Variants in EXOC7 observed in about 807,000 individuals in gnomAD.
The protein encoded by EXOC7 is exocyst complex component 7.
A neutral mutation model predicts 87.6 loss-of-function variants in EXOC7; 51 were observed. The observed-to-expected ratio is 0.58, with a 90% CI of 0.46 to 0.73. EXOC7 has a LOEUF of 0.73. Ranked by LOEUF, EXOC7 falls within the 30% of genes least tolerant of loss-of-function variation. The pLI is 0.00. For missense variants in EXOC7, 744 were observed against 888.4 expected (o/e 0.84, Z 2.07); for synonymous variants, 327 against 357.1 (o/e 0.92, Z 0.95).
Position 76,086,061 on chromosome 17 carries a change from T to C in EXOC7, c.1495+19A>G. Reference sequence around the variant, plus strand: ...CATGCAGGCAGCAGGGCTGCTGGTCTGCCCGGGAGAACACTCACAGATATA... The same window carrying C: ...CATGCAGGCAGCAGGGCTGCTGGTCCGCCCGGGAGAACACTCACAGATATA... On this transcript the variant is annotated intron_variant, in intron 13 of 18. Transcript: ENST00000589210. 6.2e-7 allele frequency: 1 copy of C among 1,612,920 alleles called. No homozygotes were observed. The highest frequency in any genetic ancestry group is 8.5e-7 in the Non-Finnish European group (1 of 1,179,780).
At chr17:76,091,047 T>TCCCC (rs2067454771) in intron 7 of EXOC7, 96 bp downstream of exon 7, 1 of 1,079,304 alleles carries the variant, frequency 9.3e-7, no homozygotes, top group Non-Finnish European at 1.4e-6. Flanking sequence ...CCCTCAGGGT[T>TCCCC]TCTCCCGAGG....
At position 76,103,682 on chromosome 17, in the gene EXOC7, G is replaced by T. The variant is rs775293741; in HGVS notation, c.11C>A (p.Pro4Gln). The T allele has an allele frequency of 1.2e-6, 2 of 1,612,174 alleles. No homozygotes were observed. The highest frequency in any genetic ancestry group is 2.2e-5 in the East Asian group (1 of 44,762). ...CCGCCGTCGAGCGGATGCCTCCTGT[G>T]GGGGAATCATCGCTCTGAACCCCGC... Reference protein sequence around the residue: MIPPQEASARRREI... With the variant: MIPQQEASARRREI... The change falls in exon 1 of 19, where the codon CCA (proline) becomes CAA (glutamine). Residue 4 changes from proline (P) to glutamine (Q), a missense_variant. This residue lies in a region of EXOC7 where 512 missense variants were observed against 573.0 expected (regional missense o/e 0.89). Transcript: ENST00000589210.
At chr17:76,096,911 G>A (rs1212903356) in intron 5 of EXOC7, among the ~76,000 whole-genome samples, 1 of 152,034 alleles carries the variant, frequency 6.6e-6, no homozygotes, top group East Asian at 1.9e-4. Flanking sequence ...GTACAGTGGC[G>A]TGATCTTAGC....
In EXOC7 at chr17:76,082,504, G is replaced by A; in HGVS notation, c.*1144C>T. The A allele has an allele frequency of 6.2e-7, 1 of 1,613,720 alleles. No individual in the cohort carries two copies. Among genetic ancestry groups the A allele is most frequent in the Non-Finnish European group, 8.5e-7 (1 of 1,179,868 alleles). ...AAAGGGGTCACAGAGAAGCTGGCCT[G>A]AGACTGCTGACCGCATCTTCTTCCT... On this transcript the variant is annotated 3_prime_UTR_variant, in exon 19 of 19. Transcript: ENST00000589210.
chr17:76,082,606 G>A lies in EXOC7; in HGVS notation c.*1042C>T, dbSNP rs558659991. ...GATGTGGGCAGCGTGCAAGTCTGAC[G>A]CAGCCCCTGGAGAGGCTGCACCCCA... On this transcript the variant is annotated 3_prime_UTR_variant, in exon 19 of 19. Transcript: ENST00000589210. The A allele has an allele frequency of 4.5e-5, 72 of 1,613,314 alleles. No individual in the cohort carries two copies. The South Asian group carries it at 5.7e-4, about 13-fold the overall frequency.
In EXOC7 at chr17:76,082,021, C is replaced by T. The variant is rs143351795; in HGVS notation, c.*1627G>A. Reference sequence around the variant, plus strand: ...CCCCGAGAGGGGAACAGCGAGAGCACGGCAACCCAGGGCCTCATCCTGCTG... The same window carrying T: ...CCCCGAGAGGGGAACAGCGAGAGCATGGCAACCCAGGGCCTCATCCTGCTG... On this transcript the variant is annotated 3_prime_UTR_variant, in exon 19 of 19. Transcript: ENST00000589210. 1.2e-4 allele frequency: 191 copies of T among 1,610,954 alleles called. 1 individual carries two copies. The African/African-American group carries it at 2.0e-3, about 17-fold the overall frequency.
rs753679174 is a variant in EXOC7 at position 76,082,501 on chromosome 17, C to A, written c.*1147G>T. ...AGTAAAGGGGTCACAGAGAAGCTGG[C>A]CTGAGACTGCTGACCGCATCTTCTT... is the stretch of plus-strand genomic sequence containing the variant. On this transcript the variant is annotated 3_prime_UTR_variant, in exon 19 of 19. Coordinates refer to ENST00000589210, the MANE Select transcript of EXOC7 (RefSeq NM_001013839.4). 2.2e-5 allele frequency: 35 copies of A among 1,613,432 alleles called. No homozygotes were observed. Among genetic ancestry groups the A allele is most frequent in the Non-Finnish European group, 2.9e-5 (34 of 1,179,794 alleles).
rs1394049783 is a variant in EXOC7 at position 76,082,263 on chromosome 17, C to T, written c.*1385G>A. On this transcript the variant is annotated 3_prime_UTR_variant, in exon 19 of 19. Transcript: ENST00000589210. ...CTGAAGTCCCAGGTGACCTCAATCC[C>T]CTGATAACCCATGCCTTGCACAGCC... is the stretch of plus-strand genomic sequence containing the variant. 4 of 775,452 alleles carry T rather than the reference C, an allele frequency of 5.2e-6. No individual in the cohort carries two copies. The highest frequency in any genetic ancestry group is 2.7e-5 in the East Asian group (1 of 36,748). 48.0% of individuals were successfully genotyped at this position (775,452 alleles called of 1,614,324 possible). A position where few individuals can be genotyped will look rare whatever the true frequency, so the allele number is the denominator to read the frequency against.
At chr17:76,098,660 G>C (rs1243927173) in intron 4 of EXOC7, among the ~76,000 whole-genome samples, 1 of 151,144 alleles carries the variant, frequency 6.6e-6, no homozygotes, top group Non-Finnish European at 1.5e-5. Flanking sequence ...AGGAGATCGA[G>C]ACCATCCTGG....
rs2067010187 is a variant in EXOC7, at chr17:76,082,138, C to A, written c.*1510G>T. On this transcript the variant is annotated 3_prime_UTR_variant, in exon 19 of 19. Transcript: ENST00000589210. ...ACGGAGGTCCAGGTGTGGGTAGAGG[C>A]CCCTTGCATCCACCCTGCTGGCTCT... 3 of 1,420,728 alleles carry A rather than the reference C, an allele frequency of 2.1e-6. No individual in the cohort carries two copies. Among genetic ancestry groups the A allele is most frequent in the Non-Finnish European group, 2.8e-6 (3 of 1,057,684 alleles). The allele number at this position is 1,420,728 out of a possible 1,614,324, so 88.0% of individuals were successfully genotyped here. A position where few individuals can be genotyped will look rare whatever the true frequency, so the allele number is the denominator to read the frequency against.
At position 76,087,702 on chromosome 17, in the gene EXOC7, G is replaced by A. The variant is rs1421361844; in HGVS notation, c.1381C>T (p.Gln461Ter). 1.9e-6 allele frequency: 3 copies of A among 1,551,262 alleles called. No homozygotes were observed. The highest frequency in any genetic ancestry group is 2.6e-6 in the Non-Finnish European group (3 of 1,147,028). Residue 461 changes from glutamine to a stop codon, truncating the protein, a stop_gained, in exon 12 of 19, where the codon CAG (glutamine) becomes TAG (stop). Transcript: ENST00000589210. LOFTEE classifies it high-confidence loss of function. ...GCCGTCTCCTGGAAGTCCAAAAGCT[G>A]CTGCAGGAAGAGGATGGCCTGGGTG... Reference protein sequence around the residue: ...LTSNAILFLQQLLDFQETAGA... With the variant: ...LTSNAILFLQ
Position 76,082,147 on chromosome 17 carries a change from T to C in EXOC7, c.*1501A>G. The C allele has an allele frequency of 1.4e-6, 2 of 1,389,268 alleles. No homozygotes were observed. Among genetic ancestry groups the C allele is most frequent in the Non-Finnish European group, 1.9e-6 (2 of 1,030,646 alleles). The allele number at this position is 1,389,268 out of a possible 1,614,324, so 86.1% of individuals were successfully genotyped here. A position where few individuals can be genotyped will look rare whatever the true frequency, so the allele number is the denominator to read the frequency against. ...CAGGTGTGGGTAGAGGCCCCTTGCA[T>C]CCACCCTGCTGGCTCTCCTGTCCCT... On this transcript the variant is annotated 3_prime_UTR_variant, in exon 19 of 19. Coordinates refer to ENST00000589210, the MANE Select transcript of EXOC7 (RefSeq NM_001013839.4).
At chr17:76,098,205 T>G in intron 4 of EXOC7, 187 bp from the exon 5 acceptor site, 1 of 563,458 alleles carries the variant, frequency 1.8e-6, no homozygotes, top group Non-Finnish European at 3.2e-6. Context: ...GACACAATCT[T>G]GGCTCACTGC....
At position 76,089,292 on chromosome 17, in the gene EXOC7, G is replaced by C; in HGVS notation, c.930C>G (p.Thr310=). ...CACTGACGCAGTGGATGTAGGCATC[G>C]GTCTCCACGTCCAGCATGTCATCTC... ...EGRDDMLDVE[T]DAYIHCVSAF... The change falls in exon 8 of 19, where the codon ACC becomes ACG. Residue 310 remains threonine, a synonymous_variant. Transcript: ENST00000589210. 1 of 1,614,068 alleles carries C rather than the reference G, an allele frequency of 6.2e-7. No individual in the cohort carries two copies. Among genetic ancestry groups the C allele is most frequent in the Admixed American group, 1.7e-5 (1 of 60,022 alleles).
chr17:76,101,443 T>G, intron 3 of EXOC7, 67 bp from the exon 4 acceptor site: 1 of 1,574,312 alleles, frequency 6.4e-7, no homozygotes, highest in South Asian at 1.2e-5. Flanking sequence ...GACACAGTAT[T>G]TGGGAAAAAG....
chr17:76,083,911 A>C, intron 18 of EXOC7, 95 bp downstream of exon 18: 1 of 1,486,376 alleles, frequency 6.7e-7, no homozygotes, highest in Non-Finnish European at 9.0e-7. Flanking sequence ...GCCTAAATCC[A>C]CCACCCTTCT....
In EXOC7 at chr17:76,097,817, C is replaced by T. The variant is rs373423237; in HGVS notation, c.619G>A (p.Val207Met). ...QDVIRISRWLVEYGRNQDFMN... is the reference protein window; with the variant it reads ...QDVIRISRWLMEYGRNQDFMN... ...TTACCTTGGTTGCGGCCATATTCCA[C>T]CAGCCAGCGGGAGATGCGAATGACA... The change falls in exon 5 of 19, where the codon GTG becomes ATG. Residue 207 changes from valine to methionine, a missense_variant. This residue lies in a region of EXOC7 where 512 missense variants were observed against 573.0 expected (regional missense o/e 0.89). Coordinates refer to ENST00000589210, the MANE Select transcript of EXOC7 (RefSeq NM_001013839.4). 5.6e-6 allele frequency: 9 copies of T among 1,613,694 alleles called. No homozygotes were observed. Among genetic ancestry groups the T allele is most frequent in the Non-Finnish European group, 5.9e-6 (7 of 1,179,838 alleles).
At chr17:76,083,902 C>T (rs2067088055) in intron 18 of EXOC7, 104 bp downstream of exon 18, 2 of 1,483,862 alleles carry the variant, frequency 1.3e-6, no homozygotes, top group African/African-American at 1.4e-5. Flanking sequence ...GGATCTGCTG[C>T]CTAAATCCAC....
rs1363396159 is a variant in EXOC7 at position 76,082,550 on chromosome 17, T to A, written c.*1098A>T. The stretch of plus-strand genomic sequence containing the variant: ...TTCCTCGTGTATGTGGTTGGGGTGC[T>A]GTGCACCCAATTCGTCTTTGCAGGA... On this transcript the variant is annotated 3_prime_UTR_variant, in exon 19 of 19. Transcript: ENST00000589210. 1.2e-6 allele frequency: 2 copies of A among 1,613,792 alleles called. No individual in the cohort carries two copies. The highest frequency in any genetic ancestry group is 2.2e-5 in the South Asian group (2 of 91,082).
Sources: allele counts gnomAD v4.1 joint callset (sites outside exome capture counted in the v4.1 genomes callset), GRCh38; gene constraint gnomAD v4.1.1; regional missense constraint gnomAD v4.1.1; transcripts MANE v1.5; gene names NCBI Gene and HGNC (gene_info 2026-07-23, HGNC 2026-07-21).